NR3C1: variants seen among roughly 807,000 people sequenced by gnomAD.
NR3C1 encodes glucocorticoid receptor.
In NR3C1, 14 loss-of-function variants were observed where a neutral mutation model predicts 74.0. The ratio of observed to expected loss-of-function variants is 0.19; its 90% CI spans 0.12 to 0.30. NR3C1 has a LOEUF of 0.30. Among genes scored for constraint, NR3C1 ranks in the 10% least tolerant of loss-of-function variants. NR3C1 has a pLI of 1.00. For synonymous variants in NR3C1, 308 were observed against 332.5 expected (o/e 0.93, Z 0.80); for missense variants, 695 against 909.8 (o/e 0.76, Z 3.04).
intron 2 of NR3C1, among the ~76,000 whole-genome samples, chr5:143,365,648 G>C (rs933527767): frequency 5.3e-5 from 8 of 152,054 alleles, no homozygotes; most frequent in African/African-American, 1.7e-4. Flanking sequence ...GATTTGAACA[G>C]AACTATGTAC....
At chr5:143,330,300 G>A (rs909163905) in intron 2 of NR3C1, among the ~76,000 whole-genome samples, 3 of 152,146 alleles carry the variant, frequency 2.0e-5, no homozygotes, top group Non-Finnish European at 4.4e-5. Flanking sequence ...CACTTTTTTT[G>A]AGAAAGAATA....
At chr5:143,288,677 TG>T (rs1422038524) in intron 7 of NR3C1, among the ~76,000 whole-genome samples, 6 of 152,124 alleles carry the variant, frequency 3.9e-5, no homozygotes, top group Non-Finnish European at 8.8e-5. Context: ...TTCGACATTT[TG>T]CCCAGGCTGG....
chr5:143,307,196 G>A (rs571934475), intron 4 of NR3C1, among the ~76,000 whole-genome samples: 3 of 152,172 alleles, frequency 2.0e-5, no homozygotes, highest in South Asian at 2.1e-4. Flanking sequence ...GCGCCCAACC[G>A]TATGCTTAAA....
chr5:143,374,561 T>C (rs200459612), intron 2 of NR3C1, among the ~76,000 whole-genome samples: 1 of 149,318 alleles, frequency 6.7e-6, no homozygotes, highest in East Asian at 2.0e-4. Context: ...TTCTAGAGAG[T>C]TTTTAGTAAC....
At chr5:143,357,955 CA>C (rs547899785) in intron 2 of NR3C1, among the ~76,000 whole-genome samples, 63 of 152,074 alleles carry the variant, frequency 4.1e-4, no homozygotes, top group African/African-American at 1.4e-3. Flanking sequence ...CCTGAGATAA[CA>C]AAAAAACGTA....
exon 1 of NR3C1, chr5:143,435,060 C>T: frequency 1.0e-6 from 1 of 985,312 alleles, no homozygotes; most frequent in Non-Finnish European, 1.2e-6. Flanking sequence ...CCAGGCAGAT[C>T]CTAATGGAAA....
chr5:143,291,532 T>A (rs1561482840), intron 7 of NR3C1, among the ~76,000 whole-genome samples: 1 of 152,218 alleles, frequency 6.6e-6, no homozygotes, highest in Non-Finnish European at 1.5e-5. Flanking sequence ...CTGGGATATA[T>A]CCTCTAATAA....
At chr5:143,408,450 C>A (rs1385736965), upstream of NR3C1, among the ~76,000 whole-genome samples, 1 of 151,566 alleles carries the variant, frequency 6.6e-6, no homozygotes, top group African/African-American at 2.4e-5. Context: ...TTTTTTTAAA[C>A]AAAGTAGAAC....
intron 1 of NR3C1, among the ~76,000 whole-genome samples, chr5:143,432,751 A>C (rs1389225620): frequency 6.6e-6 from 1 of 152,128 alleles, no homozygotes; most frequent in Non-Finnish European, 1.5e-5. Context: ...GGAAGCCTTC[A>C]TTTTTATGAG....
chr5:143,307,648 G>A (rs1481521909), intron 4 of NR3C1, among the ~76,000 whole-genome samples: 2 of 152,032 alleles, frequency 1.3e-5, no homozygotes, highest in Non-Finnish European at 2.9e-5. Context: ...AACCTATTTC[G>A]AAATATAAAA....
At chr5:143,386,593 A>T (rs1837273358) in intron 2 of NR3C1, among the ~76,000 whole-genome samples, 1 of 152,188 alleles carries the variant, frequency 6.6e-6, no homozygotes, top group Non-Finnish European at 1.5e-5. Flanking sequence ...TTACAGAGAA[A>T]TGTGGAGGAT....
At chr5:143,327,183 G>A (rs1304955706) in intron 2 of NR3C1, among the ~76,000 whole-genome samples, 1 of 152,148 alleles carries the variant, frequency 6.6e-6, no homozygotes, top group African/African-American at 2.4e-5. Flanking sequence ...TGATCATGGT[G>A]GAAGGGGCAG....
At chr5:143,282,923 G>C (rs1415679535) in intron 7 of NR3C1, among the ~76,000 whole-genome samples, 198 bp from the exon 8 acceptor site, 9 of 147,544 alleles carry the variant, frequency 6.1e-5, no homozygotes, top group Non-Finnish European at 1.2e-4. Flanking sequence ...AGGACTGTAG[G>C]CACAAGCCAC....
intron 1 of NR3C1, chr5:143,402,770 C>T (rs543125075): frequency 1.7e-5 from 17 of 985,386 alleles, no homozygotes; most frequent in Middle Eastern, 1.0e-3. Flanking sequence ...GGCTCGCGCT[C>T]GGGCGCGCCG....
chr5:143,296,136 A>G (rs1469132610), intron 6 of NR3C1, among the ~76,000 whole-genome samples: 1 of 152,232 alleles, frequency 6.6e-6, no homozygotes, highest in African/African-American at 2.4e-5. Flanking sequence ...AACTAAAGGT[A>G]CTAAACCAAT....
Position 143,299,591 on chromosome 5 carries a change from A to G in NR3C1, c.1748-779T>C, listed in dbSNP as rs1440343765. Reference sequence around the variant, plus strand: ...TTTACTTTATATTTCAAAATAGCTAAAAGAGAAGATTTGGAATGTTCCCCA... The same window carrying G: ...TTTACTTTATATTTCAAAATAGCTAGAAGAGAAGATTTGGAATGTTCCCCA... On this transcript the variant is annotated intron_variant, in intron 5 of 8. Coordinates refer to ENST00000394464, the MANE Select transcript of NR3C1 (RefSeq NM_000176.3). 2.0e-5 allele frequency among the ~76,000 whole-genome samples: 3 copies of G among 152,224 alleles called. No individual in the cohort carries two copies. The East Asian group carries it at 5.8e-4, about 29-fold the overall frequency.
rs753617321 is a variant in NR3C1, at chr5:143,399,777, G to A, written c.1063C>T (p.Pro355Ser). 1 of 1,614,174 alleles carries A rather than the reference G, an allele frequency of 6.2e-7. No homozygotes were observed. Among genetic ancestry groups the A allele is most frequent in the Non-Finnish European group, 8.5e-7 (1 of 1,180,010 alleles). Residue 355 changes from proline (P) to serine (S), a missense_variant, in exon 2 of 9, where the codon CCA (proline) becomes TCA (serine). Physicochemically the swap from Pro to Ser is moderately conservative, Grantham distance 74. This residue lies in a region of NR3C1 where 497 missense variants were observed against 489.5 expected (regional missense o/e 1.02). Coordinates refer to ENST00000394464, the MANE Select transcript of NR3C1 (RefSeq NM_000176.3). ...TTTTCGGAACCAACGGGAATTGGTG[G>A]AATGACATTAAAAATAGGCTTCTGA... The part of the protein sequence containing the change: ...QDQKPIFNVI[P>S]PIPVGSENWN...
intron 1 of NR3C1, among the ~76,000 whole-genome samples, chr5:143,431,502 G>C (rs1384246904): frequency 1.3e-5 from 2 of 152,038 alleles, no homozygotes; most frequent in African/African-American, 2.4e-5. Flanking sequence ...GTCAGGGGGT[G>C]GGGGGTAAGG....
intron 2 of NR3C1, among the ~76,000 whole-genome samples, chr5:143,351,742 T>C (rs893763265): frequency 2.0e-5 from 3 of 152,188 alleles, no homozygotes; most frequent in Non-Finnish European, 2.9e-5. Context: ...TGACAAAAAA[T>C]TTATAAAGAT....
Sources: gnomAD v4.1 joint callset for allele counts (sites outside exome capture counted in the v4.1 genomes callset) on GRCh38, gnomAD v4.1.1 for gene constraint, gnomAD v4.1.1 regional missense constraint, MANE v1.5 for transcripts, NCBI Gene and HGNC (gene_info 2026-07-23, HGNC 2026-07-21) for gene names.